Variants in ITPR2 observed in about 807,000 individuals in gnomAD.
ITPR2 encodes the protein inositol 1,4,5-trisphosphate-gated calcium channel ITPR2.
A neutral mutation model predicts 317.1 loss-of-function variants in ITPR2; 207 were observed. The observed-to-expected ratio is 0.65, with a 90% CI of 0.58 to 0.73. The LOEUF (loss-of-function observed/expected upper bound fraction) is 0.73. ITPR2 is among the 30% of genes least tolerant of loss of function. The probability of loss-of-function intolerance (pLI) is 0.00; values close to 1 mark genes in which losing one functional copy is unlikely to be tolerated. For synonymous variants in ITPR2, 1,156 were observed against 1,149.1 expected (o/e 1.01, Z -0.12); for missense variants, 2,613 against 3,284.0 (o/e 0.80, Z 4.99).
intron 37 of ITPR2, among the ~76,000 whole-genome samples, chr12:26,510,785 T>C (rs562194408): frequency 3.3e-5 from 5 of 152,378 alleles, no homozygotes; most frequent in African/African-American, 9.6e-5. Context: ...TTGGTGCTCA[T>C]AGCAAACTAA....
At position 26,336,304 on chromosome 12, in the gene ITPR2, T is replaced by C. The variant is rs369426657; in HGVS notation, c.*3093A>G. ...TGCCTTGCTGTTTGCAATGAAACAATTGTAAAATAAAGAGAGCAGCCAAAA... is the reference window on the plus strand; with the variant it reads ...TGCCTTGCTGTTTGCAATGAAACAACTGTAAAATAAAGAGAGCAGCCAAAA... On this transcript the variant is annotated 3_prime_UTR_variant, in exon 57 of 57. Transcript: ENST00000381340. Among the ~76,000 whole-genome samples the C allele has an allele frequency of 2.6e-5, 4 of 152,082 alleles. No homozygotes were observed. Among genetic ancestry groups the C allele is most frequent in the East Asian group, 1.9e-4 (1 of 5,190 alleles).
chr12:26,676,371 G>A (rs949599407), intron 13 of ITPR2, among the ~76,000 whole-genome samples: 9 of 151,300 alleles, frequency 5.9e-5, no homozygotes, highest in Non-Finnish European at 8.8e-5. Context: ...CAACTACTCG[G>A]GAGGCTGAGG....
At chr12:26,546,534 T>C (rs1024891387) in intron 37 of ITPR2, among the ~76,000 whole-genome samples, 6 of 152,188 alleles carry the variant, frequency 3.9e-5, no homozygotes, top group Non-Finnish European at 7.4e-5. Context: ...CATGATATCA[T>C]ATTCTTTTGG....
chr12:26,480,088 T>C (rs1057126206), intron 43 of ITPR2, among the ~76,000 whole-genome samples: 3 of 152,236 alleles, frequency 2.0e-5, no homozygotes, highest in African/African-American at 7.2e-5. Context: ...AATTTAATTA[T>C]ACATTCTTAA....
chr12:26,629,150 C>T (rs556750371), intron 22 of ITPR2, among the ~76,000 whole-genome samples: 1 of 152,308 alleles, frequency 6.6e-6, no homozygotes, highest in South Asian at 2.1e-4. Flanking sequence ...CCCATCCCTC[C>T]CTCCTCCTAC....
intron 13 of ITPR2, among the ~76,000 whole-genome samples, chr12:26,674,427 G>A (rs1468507240): frequency 6.6e-6 from 1 of 152,144 alleles, no homozygotes; most frequent in African/African-American, 2.4e-5. Context: ...ACAAACCTGA[G>A]AGAAACAAGC....
Position 26,658,044 on chromosome 12 carries a change from C to A in ITPR2, c.1973G>T (p.Ser658Ile). Reference protein sequence around the residue: ...TQELICKFMLSPGNADILIQT... With the variant: ...TQELICKFMLIPGNADILIQT... ...AATGAGAATGTCTGCATTGCCTGGA[C>A]TCAACATAAATTTACAGATGAGTTC... Residue 658 changes from serine to isoleucine, a missense_variant, in exon 17 of 57, where the codon AGT becomes ATT. Physicochemically the swap from Ser to Ile is moderately radical, Grantham distance 142 (BLOSUM62 -2). This residue lies in a region of ITPR2 where 817 missense variants were observed against 897.6 expected (regional missense o/e 0.91). Coordinates refer to ENST00000381340, the MANE Select transcript of ITPR2 (RefSeq NM_002223.4). 1 of 1,613,376 alleles carries A rather than the reference C, an allele frequency of 6.2e-7. No homozygotes were observed. The highest frequency in any genetic ancestry group is 8.5e-7 in the Non-Finnish European group (1 of 1,179,596).
intron 55 of ITPR2, among the ~76,000 whole-genome samples, chr12:26,364,704 C>T (rs1358352175): frequency 2.0e-5 from 3 of 152,184 alleles, no homozygotes; most frequent in African/African-American, 7.2e-5. Flanking sequence ...ATACACTGAC[C>T]TGCCATCATG....
intron 21 of ITPR2, among the ~76,000 whole-genome samples, chr12:26,640,676 C>T (rs886673349): frequency 2.0e-5 from 3 of 151,946 alleles, no homozygotes; most frequent in Non-Finnish European, 4.4e-5. Flanking sequence ...TTCTATAAGT[C>T]TATTGGAAAA....
chr12:26,556,567 TGTGTGTG>T (rs1230407224), intron 35 of ITPR2, among the ~76,000 whole-genome samples, 192 bp from the exon 36 acceptor site: 1,341 of 59,088 alleles, frequency 0.023, 24 homozygotes, highest in African/African-American at 0.056. Context: ...TTTTTTTTTT[TGTGTGTG>T]TGTGTGTGTG....
Position 26,619,236 on chromosome 12 carries a change from C to T in ITPR2, c.3462+1887G>A, listed in dbSNP as rs75636085. 2.0e-3 allele frequency among the ~76,000 whole-genome samples: 310 copies of T among 152,282 alleles called. 1 individual carries two copies. Among genetic ancestry groups the T allele is most frequent in the African/African-American group, 7.3e-3 (304 of 41,562 alleles). ...CTTGTAACTCTAAAATTTCATAATTCCATATCCACCATAGTAAACAACACA... is the reference window on the plus strand; with the variant it reads ...CTTGTAACTCTAAAATTTCATAATTTCATATCCACCATAGTAAACAACACA... On this transcript the variant is annotated intron_variant, in intron 26 of 56. Transcript: ENST00000381340.
intron 40 of ITPR2, 99 bp from the exon 41 acceptor site, chr12:26,486,459 A>G (rs1942671444): frequency 1.0e-6 from 1 of 996,498 alleles, no homozygotes; most frequent in Non-Finnish European, 1.5e-6. Flanking sequence ...TAACAATTGA[A>G]TTAAAAATAA....
At position 26,654,145 on chromosome 12, in the gene ITPR2, G is replaced by A. The variant is rs1592001305; in HGVS notation, c.2590-19C>T. ...GGACCACCTTAATAAAAAAAAAAAA[G>A]CGGGGAGGGGGAGGGTGAAAGAGTG... is the stretch of plus-strand genomic sequence containing the variant. On this transcript the variant is annotated intron_variant, in intron 20 of 56. Coordinates refer to ENST00000381340, the MANE Select transcript of ITPR2 (RefSeq NM_002223.4). The A allele has an allele frequency of 2.1e-6, 3 of 1,441,872 alleles. No individual in the cohort carries two copies. Among genetic ancestry groups the A allele is most frequent in the East Asian group, 2.5e-5 (1 of 40,228 alleles). 89.3% of individuals were successfully genotyped at this position (1,441,872 alleles called of 1,614,324 possible). A position where few individuals can be genotyped will look rare whatever the true frequency, so the allele number is the denominator to read the frequency against.
In ITPR2 at chr12:26,407,153, A is replaced by G. The variant is rs556459660; in HGVS notation, c.7399+4167T>C. On this transcript the variant is annotated intron_variant, in intron 52 of 56. Coordinates refer to ENST00000381340, the MANE Select transcript of ITPR2 (RefSeq NM_002223.4). The stretch of plus-strand genomic sequence containing the variant: ...CCTAAAAGATGGAGACTTTCCCCCA[A>G]TGTGCCTGGGAGGAACAAATCACCA... Among the ~76,000 whole-genome samples, 6 of 152,176 alleles carry G rather than the reference A, an allele frequency of 3.9e-5. No individual in the cohort carries two copies. In the East Asian group the frequency reaches 7.7e-4, roughly 20 times the overall value.
At chr12:26,715,217 C>G in intron 8 of ITPR2, 82 bp downstream of exon 8, 1 of 1,236,400 alleles carries the variant, frequency 8.1e-7, no homozygotes, top group Non-Finnish European at 1.1e-6. Context: ...TAAATGATGC[C>G]TATAACAATA....
At chr12:26,355,387 C>T (rs572694160) in intron 55 of ITPR2, among the ~76,000 whole-genome samples, 2 of 145,694 alleles carry the variant, frequency 1.4e-5, no homozygotes, top group African/African-American at 5.1e-5. Context: ...CCATTAAAAC[C>T]TAGACTATCA....
intron 2 of ITPR2, among the ~76,000 whole-genome samples, chr12:26,746,287 T>C (rs1297309306): frequency 3.3e-5 from 5 of 152,064 alleles, no homozygotes; most frequent in East Asian, 3.9e-4. Context: ...AAAATATGCA[T>C]GCAAATGGAG....
chr12:26,373,356 T>A (rs1025549644), intron 55 of ITPR2, among the ~76,000 whole-genome samples: 1 of 152,236 alleles, frequency 6.6e-6, no homozygotes, highest in African/African-American at 2.4e-5. Flanking sequence ...GCCTACCTAG[T>A]GCATCCAGGA....
At position 26,501,641 on chromosome 12, in the gene ITPR2, T is replaced by G. The variant is rs1011629380; in HGVS notation, c.5074-6381A>C. ...TGAAAAATATATGATGTCTCAATGA[T>G]TCTAGTAAAGAGCCTTGTGAAAAAA... On this transcript the variant is annotated intron_variant, in intron 37 of 56. Transcript: ENST00000381340. Among the ~76,000 whole-genome samples, 16 of 152,226 alleles carry G rather than the reference T, an allele frequency of 1.1e-4. 1 individual carries two copies. Among genetic ancestry groups the G allele is most frequent in the Non-Finnish European group, 1.9e-4 (13 of 68,038 alleles).
Sources: allele counts gnomAD v4.1 joint callset (sites outside exome capture counted in the v4.1 genomes callset), GRCh38; gene constraint gnomAD v4.1.1; regional missense constraint gnomAD v4.1.1; transcripts MANE v1.5; gene names NCBI Gene and HGNC (gene_info 2026-07-23, HGNC 2026-07-21).